TTC28: variants seen among roughly 807,000 people sequenced by gnomAD.
TTC28 encodes the protein tetratricopeptide repeat domain 28, also known as tetratricopeptide repeat protein 28.
Under a neutral mutation model 198.0 loss-of-function variants are expected in TTC28, and 61 were observed. That is an observed-to-expected ratio of 0.31 (90% CI 0.25 to 0.38). The LOEUF is 0.38. Among genes scored for constraint, TTC28 ranks in the 10% least tolerant of loss-of-function variants. The pLI is 1.00. For synonymous variants in TTC28, 1,171 were observed against 1,297.8 expected (o/e 0.90, Z 2.10); for missense variants, 2,678 against 3,164.0 (o/e 0.85, Z 3.69).
chr22:28,326,673 G>A (rs1403501834), intron 2 of TTC28, among the ~76,000 whole-genome samples: 1 of 152,130 alleles, frequency 6.6e-6, no homozygotes, highest in Admixed American at 6.5e-5. Context: ...AGAAAGCATT[G>A]ACAGTTTTAT....
At chr22:28,062,873 A>G (rs1264433447) in intron 12 of TTC28, among the ~76,000 whole-genome samples, 1 of 152,192 alleles carries the variant, frequency 6.6e-6, no homozygotes, top group Non-Finnish European at 1.5e-5. Context: ...TTTGTCTGCT[A>G]ATTTCAACAT....
intron 5 of TTC28, among the ~76,000 whole-genome samples, chr22:28,170,318 T>C (rs1922532501): frequency 6.6e-6 from 1 of 151,576 alleles, no homozygotes; most frequent in East Asian, 1.9e-4. Flanking sequence ...AAACCCCGTC[T>C]CTATTAAAAA....
In TTC28 at chr22:28,538,385, G is replaced by A. The variant is rs564872744; in HGVS notation, c.381+91167C>T. On this transcript the variant is annotated intron_variant, in intron 2 of 22. Transcript: ENST00000397906. ...TTACAGGCATGAACCACTGTGCCTG[G>A]CCTATAGGTATATCTTTATATGGAT... Among the ~76,000 whole-genome samples the A allele has an allele frequency of 1.1e-4, 17 of 152,068 alleles. 1 individual carries two copies. Among genetic ancestry groups the A allele is most frequent in the African/African-American group, 3.9e-4 (16 of 41,492 alleles).
intron 5 of TTC28, among the ~76,000 whole-genome samples, chr22:28,271,344 C>G (rs1932057907): frequency 6.6e-6 from 1 of 152,120 alleles, no homozygotes; most frequent in Non-Finnish European, 1.5e-5. Flanking sequence ...AGTTGAGCTG[C>G]TCTAGTTAAT....
chr22:27,991,363 GC>G (rs1176948655), intron 19 of TTC28, among the ~76,000 whole-genome samples: 1 of 152,214 alleles, frequency 6.6e-6, no homozygotes, highest in Non-Finnish European at 1.5e-5. Context: ...GGTTCAGGAT[GC>G]TTTAATATGC....
intron 1 of TTC28, among the ~76,000 whole-genome samples, chr22:28,663,323 T>C (rs1012749081): frequency 1.3e-5 from 2 of 149,214 alleles, no homozygotes; most frequent in African/African-American, 5.0e-5. Context: ...ACAGCTCCGG[T>C]CTACAGCTCC....
At chr22:28,679,172 G>C (rs1601689908) in intron 1 of TTC28, among the ~76,000 whole-genome samples, 1 of 152,126 alleles carries the variant, frequency 6.6e-6, no homozygotes, top group African/African-American at 2.4e-5. Context: ...CTCCGGGGAC[G>C]AAGAGCTCAC....
chr22:28,655,162 G>A (rs145091550), intron 1 of TTC28, among the ~76,000 whole-genome samples: 1 of 152,282 alleles, frequency 6.6e-6, no homozygotes, highest in Admixed American at 6.5e-5. Context: ...GAGCACATGT[G>A]CTCTGTGCCA....
At chr22:28,607,917 T>C (rs1172836604) in intron 2 of TTC28, among the ~76,000 whole-genome samples, 1 of 152,184 alleles carries the variant, frequency 6.6e-6, no homozygotes, top group Non-Finnish European at 1.5e-5. Context: ...TACTTTCCAT[T>C]TCCCTCACAG....
intron 2 of TTC28, among the ~76,000 whole-genome samples, chr22:28,495,028 T>G (rs1456223328): frequency 1.3e-5 from 2 of 151,978 alleles, no homozygotes; most frequent in Non-Finnish European, 2.9e-5. Flanking sequence ...TGAAGAAATG[T>G]TGCAGGAAAC....
At chr22:28,570,720 G>A (rs2050046442) in intron 2 of TTC28, among the ~76,000 whole-genome samples, 2 of 152,110 alleles carry the variant, frequency 1.3e-5, no homozygotes, top group Admixed American at 6.5e-5. Flanking sequence ...ACTTTTAATG[G>A]TTAAAATGAC....
Position 28,269,301 on chromosome 22 carries a change from G to A in TTC28, c.933+26897C>T, listed in dbSNP as rs185851630. On this transcript the variant is annotated intron_variant, in intron 5 of 22. Coordinates refer to ENST00000397906, the MANE Select transcript of TTC28 (RefSeq NM_001145418.2). ...CGATGTCAAAGGGTATTTGAATACA[G>A]GGTCCCTCGGGAAGTGTGCCCAACG... Among the ~76,000 whole-genome samples the A allele has an allele frequency of 2.6e-5, 4 of 152,102 alleles. No homozygotes were observed. The East Asian group carries it at 7.7e-4, about 29-fold the overall frequency.
At chr22:28,241,847 G>C (rs1929680007) in intron 5 of TTC28, among the ~76,000 whole-genome samples, 1 of 152,116 alleles carries the variant, frequency 6.6e-6, no homozygotes, top group Non-Finnish European at 1.5e-5. Flanking sequence ...AGGAAGTATA[G>C]AGAAAGGGAA....
intron 5 of TTC28, among the ~76,000 whole-genome samples, chr22:28,177,655 A>T (rs1031493561): frequency 6.6e-6 from 1 of 152,254 alleles, no homozygotes; most frequent in South Asian, 2.1e-4. Context: ...TATCCATACA[A>T]TGGAATATTA....
chr22:28,254,503 A>AG (rs1370468666), intron 5 of TTC28, among the ~76,000 whole-genome samples: 1 of 151,884 alleles, frequency 6.6e-6, no homozygotes, highest in East Asian at 1.9e-4. Context: ...AAAAAAAAAA[A>AG]AGTCTGGTTA....
chr22:28,331,516 A>T (rs1208229506), intron 2 of TTC28, among the ~76,000 whole-genome samples: 1 of 152,106 alleles, frequency 6.6e-6, no homozygotes, highest in African/African-American at 2.4e-5. Flanking sequence ...CTCCAAAGTC[A>T]GGGTCATCTT....
At chr22:28,072,837 C>T (rs1941044074) in intron 12 of TTC28, among the ~76,000 whole-genome samples, 1 of 152,200 alleles carries the variant, frequency 6.6e-6, no homozygotes, top group Non-Finnish European at 1.5e-5. Flanking sequence ...GAGTGGGACA[C>T]ACAATGGGGC....
At chr22:28,306,201 T>A (rs1321351030) in intron 3 of TTC28, among the ~76,000 whole-genome samples, 1 of 152,124 alleles carries the variant, frequency 6.6e-6, no homozygotes, top group Non-Finnish European at 1.5e-5. Context: ...TTTTAAATAA[T>A]CCCGAAAGCC....
chr22:28,636,483 CTTAGGTTGT>C (rs2051274217), intron 1 of TTC28, among the ~76,000 whole-genome samples: 1 of 152,038 alleles, frequency 6.6e-6, no homozygotes, highest in Non-Finnish European at 1.5e-5. Flanking sequence ...GCAATGGACA[CTTAGGTTGT>C]TTCTATATCT....
Sources: allele counts gnomAD v4.1 joint callset (sites outside exome capture counted in the v4.1 genomes callset), GRCh38; gene constraint gnomAD v4.1.1; transcripts MANE v1.5; gene names NCBI Gene and HGNC (gene_info 2026-07-23, HGNC 2026-07-21).